Variants in EPHA5 observed in about 807,000 individuals in gnomAD.
The protein encoded by EPHA5 is EPH receptor A5, also known as ephrin type-A receptor 5.
EPHA5 carries 60 observed loss-of-function variants against 105.0 expected under a neutral mutation model. The observed-to-expected ratio is 0.57, with a 90% CI of 0.46 to 0.71. The LOEUF (loss-of-function observed/expected upper bound fraction) is 0.71. Ranked by LOEUF, EPHA5 falls within the 30% of genes least tolerant of loss-of-function variation. The pLI is 0.00. For synonymous variants in EPHA5, 513 were observed against 449.1 expected (o/e 1.14, Z -1.80); for missense variants, 1,218 against 1,274.7 (o/e 0.96, Z 0.68).
chr4:65,599,908 C>G (rs1236244126), intron 3 of EPHA5, among the ~76,000 whole-genome samples: 1 of 152,118 alleles, frequency 6.6e-6, no homozygotes, highest in African/African-American at 2.4e-5. Flanking sequence ...ATGTTTTAAT[C>G]TCATCGACAA....
At chr4:65,593,138 T>G (rs967612416) in intron 3 of EPHA5, among the ~76,000 whole-genome samples, 21 of 152,202 alleles carry the variant, frequency 1.4e-4, no homozygotes, top group African/African-American at 5.1e-4. Context: ...AGAGAAATGA[T>G]AGTAAATATG....
intron 8 of EPHA5, among the ~76,000 whole-genome samples, chr4:65,399,135 G>C (rs1190110545): frequency 6.6e-6 from 1 of 152,156 alleles, no homozygotes; most frequent in Non-Finnish European, 1.5e-5. Context: ...TGCAGTTTCT[G>C]GCATTTCCAA....
intron 14 of EPHA5, 100 bp from the exon 15 acceptor site, chr4:65,336,225 T>A (rs907238414): frequency 1.1e-6 from 1 of 906,802 alleles, no homozygotes; most frequent in Non-Finnish European, 1.5e-6. Context: ...TTTCTTATCC[T>A]TACTCTTGCA....
rs1719573681 is a variant in EPHA5, at chr4:65,320,692, A to T, written c.*3422T>A. On this transcript the variant is annotated 3_prime_UTR_variant, in exon 17 of 17. Transcript: ENST00000613740. The stretch of plus-strand genomic sequence containing the variant: ...TACAGATTAAGTAGAAGACATGAAA[A>T]CACATAAGTGCTCAAATGATATTAA... 1 of 229,966 alleles carries T rather than the reference A, an allele frequency of 4.3e-6. No homozygotes were observed. 14.2% of individuals were successfully genotyped at this position (229,966 alleles called of 1,614,324 possible). A position where few individuals can be genotyped will look rare whatever the true frequency, so the allele number is the denominator to read the frequency against.
intron 3 of EPHA5, among the ~76,000 whole-genome samples, chr4:65,530,017 T>C (rs1735616242): frequency 6.6e-6 from 1 of 152,098 alleles, no homozygotes; most frequent in Non-Finnish European, 1.5e-5. Context: ...AACATAACTA[T>C]GTGTCCTTTG....
chr4:65,641,226 C>T (rs1388074099), intron 2 of EPHA5, among the ~76,000 whole-genome samples: 1 of 152,146 alleles, frequency 6.6e-6, no homozygotes, highest in East Asian at 1.9e-4. Context: ...TCAAGACTAC[C>T]TCAGAGCTAG....
intron 5 of EPHA5, among the ~76,000 whole-genome samples, chr4:65,432,260 A>C (rs1198424845): frequency 6.6e-6 from 1 of 152,192 alleles, no homozygotes; most frequent in Non-Finnish European, 1.5e-5. Context: ...ATATCATTTT[A>C]ATTTGCTTTT....
At chr4:65,482,172 C>T (rs1319468205) in intron 5 of EPHA5, among the ~76,000 whole-genome samples, 1 of 151,566 alleles carries the variant, frequency 6.6e-6, no homozygotes. Context: ...GTGGTGGGTG[C>T]TTGTAATCCC....
chr4:65,377,012 A>C (rs1177036738), intron 8 of EPHA5: 1 of 1,608,838 alleles, frequency 6.2e-7, no homozygotes, highest in Admixed American at 1.7e-5. Flanking sequence ...TTAGGCTTGG[A>C]TGGGCAACAG....
intron 3 of EPHA5, among the ~76,000 whole-genome samples, chr4:65,531,934 G>A (rs1283732693): frequency 1.3e-5 from 2 of 152,124 alleles, no homozygotes; most frequent in Non-Finnish European, 2.9e-5. Flanking sequence ...TCAAAAGACT[G>A]TTGTATTAAA....
At chr4:65,552,422 G>A (rs890860429) in intron 3 of EPHA5, among the ~76,000 whole-genome samples, 12 of 152,212 alleles carry the variant, frequency 7.9e-5, no homozygotes, top group East Asian at 3.9e-4. Context: ...CCATGAAATC[G>A]GAAAATCAGA....
intron 3 of EPHA5, among the ~76,000 whole-genome samples, chr4:65,539,274 A>G (rs1408874024): frequency 5.3e-5 from 8 of 151,716 alleles, no homozygotes; most frequent in African/African-American, 1.9e-4. Context: ...GCTAGAAGAA[A>G]TTTCTTAAGA....
intron 3 of EPHA5, among the ~76,000 whole-genome samples, chr4:65,529,034 T>A (rs1735512070): frequency 6.6e-6 from 1 of 152,114 alleles, no homozygotes; most frequent in Non-Finnish European, 1.5e-5. Context: ...TTTTAGAGTG[T>A]TTAAAAACTA....
chr4:65,509,729 C>T (rs536208874), intron 3 of EPHA5, among the ~76,000 whole-genome samples: 1 of 152,254 alleles, frequency 6.6e-6, no homozygotes, highest in Admixed American at 6.5e-5. Context: ...AGCAAACTAA[C>T]ATTTATTCAG....
rs373929375 is a variant in EPHA5, at chr4:65,519,534, T to C, written c.911-23991A>G. On this transcript the variant is annotated intron_variant, in intron 3 of 16. Coordinates refer to ENST00000613740, the MANE Select transcript of EPHA5 (RefSeq NM_001281766.3). ...TGTTGGAAGTTCTGGCCAGGGCAAT[T>C]AGGCAGGAGAAGGAAATAAAGGGTA... is the stretch of plus-strand genomic sequence containing the variant. Among the ~76,000 whole-genome samples the C allele has an allele frequency of 2.4e-3, 358 of 151,736 alleles. 1 individual carries two copies. Among genetic ancestry groups the C allele is most frequent in the Non-Finnish European group, 4.7e-3 (319 of 67,888 alleles).
At chr4:65,347,840 G>A (rs1722367273) in intron 14 of EPHA5, among the ~76,000 whole-genome samples, 2 of 152,132 alleles carry the variant, frequency 1.3e-5, no homozygotes, top group South Asian at 2.1e-4. Context: ...AAGGGACTGA[G>A]TTTTTATATA....
At chr4:65,558,433 CA>C (rs1738676814) in intron 3 of EPHA5, among the ~76,000 whole-genome samples, 1 of 151,946 alleles carries the variant, frequency 6.6e-6, no homozygotes, top group African/African-American at 2.4e-5. Context: ...TTCAGTTGGT[CA>C]TTTTATTGGT....
intron 10 of EPHA5, among the ~76,000 whole-genome samples, chr4:65,365,662 TA>T (rs1441164514): frequency 1.9e-4 from 16 of 85,070 alleles, no homozygotes; most frequent in Non-Finnish European, 3.5e-4. Flanking sequence ...TATATATATA[TA>T]TATATATATA....
At chr4:65,614,024 C>A (rs1351206437) in intron 2 of EPHA5, among the ~76,000 whole-genome samples, 2 of 151,658 alleles carry the variant, frequency 1.3e-5, no homozygotes, top group Non-Finnish European at 3.0e-5. Flanking sequence ...CTACGAATGC[C>A]AAGAATTCTA....
Sources: gnomAD v4.1 joint callset for allele counts (sites outside exome capture counted in the v4.1 genomes callset) on GRCh38, gnomAD v4.1.1 for gene constraint, MANE v1.5 for transcripts, NCBI Gene and HGNC (gene_info 2026-07-23, HGNC 2026-07-21) for gene names.